Variants in WDR27 observed in about 807,000 individuals in gnomAD.
The protein encoded by WDR27 is WD repeat domain 27, also known as WD repeat-containing protein 27.
WDR27 carries 100 observed loss-of-function variants against 114.4 expected under a neutral mutation model. That is an observed-to-expected ratio of 0.87 (90% CI 0.74 to 1.03). The LOEUF is 1.03. Among genes scored for constraint, WDR27 ranks in the 50% least tolerant of loss-of-function variants. The pLI, the probability that WDR27 is intolerant of heterozygous loss-of-function variation, is 0.00. For missense variants in WDR27, 1,129 were observed against 1,092.9 expected (o/e 1.03, Z -0.47); for synonymous variants, 449 against 423.1 (o/e 1.06, Z -0.75).
intron 25 of WDR27, among the ~76,000 whole-genome samples, chr6:169,487,892 C>A (rs936325003): frequency 6.6e-6 from 1 of 152,132 alleles, no homozygotes; most frequent in Admixed American, 6.5e-5. Context: ...CATGTTTAGT[C>A]TAATTTGCTT....
At chr6:169,486,655 C>A (rs1292089613) in intron 25 of WDR27, among the ~76,000 whole-genome samples, 2 of 152,118 alleles carry the variant, frequency 1.3e-5, no homozygotes, top group Non-Finnish European at 2.9e-5. Flanking sequence ...CCACGCCCAG[C>A]TAATTTTCAT....
intron 24 of WDR27, among the ~76,000 whole-genome samples, chr6:169,573,901 G>A (rs923341647): frequency 6.6e-6 from 1 of 152,184 alleles, no homozygotes; most frequent in Non-Finnish European, 1.5e-5. Flanking sequence ...CTTCTGCCTT[G>A]CTAGTTTTTT....
the WDR27 span, among the ~76,000 whole-genome samples, chr6:169,446,522 C>G: frequency 6.6e-6 from 1 of 152,118 alleles, no homozygotes; most frequent in Non-Finnish European, 1.5e-5. Flanking sequence ...CACACCGGGG[C>G]AAACCACAGG....
At chr6:169,674,252 A>G (rs1779516323) in intron 2 of WDR27, among the ~76,000 whole-genome samples, 1 of 152,242 alleles carries the variant, frequency 6.6e-6, no homozygotes, top group African/African-American at 2.4e-5. Flanking sequence ...TGCGATGCCT[A>G]CAAGTCATCC....
rs117475380 is a variant in WDR27, at chr6:169,486,247, A to T, written c.2646-28613T>A. Among the ~76,000 whole-genome samples the T allele has an allele frequency of 1.3e-3, 203 of 152,226 alleles. 3 individuals are homozygous for T. The East Asian group carries it at 0.032, about 24-fold the overall frequency. On this transcript the variant is annotated intron_variant, in intron 25 of 25. Coordinates refer to ENST00000448612, the MANE Select transcript of WDR27 (RefSeq NM_182552.5). ...CTCATACATTCTTGGTGGGAATATA[A>T]ATTAGTTTAGCCACTGTGGAAAGCA...
At chr6:169,443,966 T>C in the WDR27 span, among the ~76,000 whole-genome samples, 63 of 152,272 alleles carry the variant, frequency 4.1e-4, no homozygotes, top group African/African-American at 1.5e-3. Flanking sequence ...GATGGCGGCA[T>C]AGACATGAGC....
downstream of WDR27, among the ~76,000 whole-genome samples, chr6:169,454,522 T>G (rs557979947): frequency 6.6e-6 from 1 of 152,272 alleles, no homozygotes; most frequent in Non-Finnish European, 1.5e-5. Context: ...ATACACACAG[T>G]TTTCTTTAAG....
At chr6:169,634,619 T>G (rs1817225454) in intron 19 of WDR27, 94 bp from the exon 20 acceptor site, 5 of 749,842 alleles carry the variant, frequency 6.7e-6, no homozygotes. Context: ...GAAAAGAAAG[T>G]TTTCATATCA....
chr6:169,679,847 T>C (rs565278536), intron 2 of WDR27, among the ~76,000 whole-genome samples: 2 of 152,250 alleles, frequency 1.3e-5, no homozygotes, highest in South Asian at 2.1e-4. Flanking sequence ...ATGAGAAATA[T>C]GAAGAAAAAT....
chr6:169,486,481 A>G (rs564838456), intron 25 of WDR27, among the ~76,000 whole-genome samples: 1 of 151,554 alleles, frequency 6.6e-6, no homozygotes, highest in South Asian at 2.1e-4. Flanking sequence ...AGGGTTATTT[A>G]TATTTCATTT....
At chr6:169,487,989 A>G (rs1209387450) in intron 25 of WDR27, among the ~76,000 whole-genome samples, 1 of 152,212 alleles carries the variant, frequency 6.6e-6, no homozygotes, top group Non-Finnish European at 1.5e-5. Flanking sequence ...TGAAAATTCC[A>G]GTCTCTGACT....
chr6:169,531,489 TG>T (rs1361195038), intron 25 of WDR27, among the ~76,000 whole-genome samples: 3 of 152,114 alleles, frequency 2.0e-5, no homozygotes, highest in Admixed American at 1.3e-4. Context: ...AGAGAGCAGA[TG>T]GGCAGCAGAC....
chr6:169,692,162 C>T (rs553955667), intron 1 of WDR27, among the ~76,000 whole-genome samples: 48 of 152,214 alleles, frequency 3.2e-4, no homozygotes, highest in African/African-American at 1.1e-3. Context: ...GGCAGCCAAG[C>T]GAAATATAAA....
intron 25 of WDR27, among the ~76,000 whole-genome samples, chr6:169,562,996 C>G (rs751908796): frequency 3.9e-5 from 6 of 152,134 alleles, no homozygotes; most frequent in Middle Eastern, 3.4e-3. Flanking sequence ...ATGCCCGGAG[C>G]AAATGGGTCT....
the WDR27 span, among the ~76,000 whole-genome samples, chr6:169,447,128 T>C: frequency 6.6e-6 from 1 of 152,210 alleles, no homozygotes; most frequent in South Asian, 2.1e-4. Flanking sequence ...AAGATGCAGG[T>C]ATTTCTGTAC....
intron 22 of WDR27, among the ~76,000 whole-genome samples, chr6:169,603,489 T>C (rs879406705): frequency 1.3e-5 from 2 of 152,224 alleles, no homozygotes; most frequent in Non-Finnish European, 2.9e-5. Context: ...CAGAAAGTAC[T>C]GTGGCACATA....
intron 23 of WDR27, 72 bp downstream of exon 23, chr6:169,602,147 A>T: frequency 8.7e-7 from 1 of 1,149,334 alleles, no homozygotes; most frequent in Non-Finnish European, 1.2e-6. Flanking sequence ...CTAATATGCA[A>T]CAATATTAAA....
At chr6:169,642,481 C>T (rs959081399) in intron 17 of WDR27, among the ~76,000 whole-genome samples, 5 of 152,178 alleles carry the variant, frequency 3.3e-5, no homozygotes, top group Non-Finnish European at 7.3e-5. Flanking sequence ...CGGCTCAGGG[C>T]TCCCAGGTGC....
chr6:169,468,963 CT>C (rs1344357010), intron 25 of WDR27, among the ~76,000 whole-genome samples: 2 of 152,082 alleles, frequency 1.3e-5, no homozygotes, highest in African/African-American at 4.8e-5. Context: ...CTTTCTTCTT[CT>C]TTTATAATGT....
Sources: gnomAD v4.1 joint callset for allele counts (sites outside exome capture counted in the v4.1 genomes callset) on GRCh38, gnomAD v4.1.1 for gene constraint, MANE v1.5 for transcripts, NCBI Gene and HGNC (gene_info 2026-07-23, HGNC 2026-07-21) for gene names.